The following RALYL variants were observed in gnomAD, a reference collection of about 807,000 sequenced individuals.
RALYL encodes RNA-binding Raly-like protein.
A neutral mutation model predicts 35.1 loss-of-function variants in RALYL; 29 were observed. The ratio of observed to expected loss-of-function variants is 0.83; its 90% CI spans 0.61 to 1.13. The LOEUF is 1.13. Among genes scored for constraint, RALYL ranks in the 50% most tolerant of loss-of-function variants. RALYL has a pLI of 0.00. For missense variants in RALYL, 359 were observed against 360.4 expected (o/e 1.00, Z 0.03); for synonymous variants, 120 against 127.6 (o/e 0.94, Z 0.40).
intron 2 of RALYL, among the ~76,000 whole-genome samples, chr8:84,620,004 T>A (rs2131045371): frequency 6.6e-6 from 1 of 152,180 alleles, no homozygotes; most frequent in Non-Finnish European, 1.5e-5. Flanking sequence ...TAACCCGACC[T>A]TTCTCTCTGG....
At chr8:84,185,362 T>A (rs1812256298) in intron 1 of RALYL, 1 of 277,914 alleles carries the variant, frequency 3.6e-6, no homozygotes, top group Non-Finnish European at 6.9e-6. Flanking sequence ...GAGGGGTTGG[T>A]GATAGAGGTG....
At chr8:84,391,399 C>T (rs771535219) in intron 1 of RALYL, among the ~76,000 whole-genome samples, 5 of 151,986 alleles carry the variant, frequency 3.3e-5, no homozygotes, top group Non-Finnish European at 5.9e-5. Flanking sequence ...CACTCATTTA[C>T]ATCTAAAGAA....
At chr8:84,184,858 G>A in intron 1 of RALYL, 2 of 994,120 alleles carry the variant, frequency 2.0e-6, no homozygotes, top group South Asian at 2.7e-5. Flanking sequence ...GAGCACCCGG[G>A]AGATGGGGGT....
At position 84,440,766 on chromosome 8, in the gene RALYL, G is replaced by T. The variant is rs187484111; in HGVS notation, c.-23-88533G>T. ...TTTTTTTATTCATTCCTGTTTGAGG[G>T]ATATTTGAGTTGTTTCCAGGTTTGG... On this transcript the variant is annotated intron_variant, in intron 1 of 8. Coordinates refer to ENST00000521268, the MANE Select transcript of RALYL (RefSeq NM_173848.7). Among the ~76,000 whole-genome samples, 243 of 152,030 alleles carry T rather than the reference G, an allele frequency of 1.6e-3. 1 individual carries two copies. The highest frequency in any genetic ancestry group is 3.4e-3 in the Middle Eastern group (1 of 294).
intron 1 of RALYL, among the ~76,000 whole-genome samples, chr8:84,328,732 C>A (rs1022280217): frequency 6.6e-6 from 1 of 152,156 alleles, no homozygotes; most frequent in African/African-American, 2.4e-5. Context: ...TAGTACCCAA[C>A]AGTTAGTCAA....
At chr8:84,196,413 A>G (rs1815289526) in intron 1 of RALYL, among the ~76,000 whole-genome samples, 1 of 152,258 alleles carries the variant, frequency 6.6e-6, no homozygotes, top group Non-Finnish European at 1.5e-5. Context: ...TAAATTTTCT[A>G]AAAGACATAT....
chr8:84,207,854 G>T (rs1268223141), intron 1 of RALYL, among the ~76,000 whole-genome samples: 2 of 150,476 alleles, frequency 1.3e-5, no homozygotes, highest in African/African-American at 2.4e-5. Context: ...ACATTGCATT[G>T]TACACTATAC....
intron 2 of RALYL, among the ~76,000 whole-genome samples, chr8:84,686,876 T>C (rs1276427485): frequency 6.6e-6 from 1 of 152,220 alleles, no homozygotes; most frequent in Non-Finnish European, 1.5e-5. Flanking sequence ...ATATGTGCCT[T>C]TCTTTTTGTG....
At chr8:84,682,663 A>T (rs937989522) in intron 2 of RALYL, among the ~76,000 whole-genome samples, 1 of 151,962 alleles carries the variant, frequency 6.6e-6, no homozygotes, top group Non-Finnish European at 1.5e-5. Flanking sequence ...GGTATTTTGT[A>T]TTTCTGTGGG....
chr8:84,204,482 A>G (rs942825305), intron 1 of RALYL, among the ~76,000 whole-genome samples: 1 of 152,164 alleles, frequency 6.6e-6, no homozygotes, highest in Admixed American at 6.5e-5. Flanking sequence ...TGTGCATGTC[A>G]TTACTGCCTG....
chr8:84,719,483 G>A (rs1843504874), intron 2 of RALYL, among the ~76,000 whole-genome samples: 1 of 152,056 alleles, frequency 6.6e-6, no homozygotes, highest in Admixed American at 6.6e-5. Context: ...TTGATGAGAA[G>A]TATGAAAAGG....
intron 4 of RALYL, among the ~76,000 whole-genome samples, chr8:84,847,308 C>A (rs1834868146): frequency 6.6e-6 from 1 of 152,200 alleles, no homozygotes; most frequent in African/African-American, 2.4e-5. Context: ...CTTCACTCAG[C>A]CTTCCTTAAT....
At chr8:84,374,404 T>C (rs897030609) in intron 1 of RALYL, among the ~76,000 whole-genome samples, 27 of 152,060 alleles carry the variant, frequency 1.8e-4, no homozygotes, top group African/African-American at 6.3e-4. Flanking sequence ...TTACTGATCA[T>C]TCTACCTTAA....
intron 2 of RALYL, among the ~76,000 whole-genome samples, chr8:84,713,394 T>C (rs1842496812): frequency 6.6e-6 from 1 of 151,806 alleles, no homozygotes; most frequent in South Asian, 2.1e-4. Context: ...GATTGAAAAA[T>C]GGACAAAGAA....
chr8:84,672,289 T>A (rs559739112), intron 2 of RALYL, among the ~76,000 whole-genome samples: 1 of 152,316 alleles, frequency 6.6e-6, no homozygotes, highest in South Asian at 2.1e-4. Flanking sequence ...CATATCATTA[T>A]CAGCATTTTG....
intron 1 of RALYL, among the ~76,000 whole-genome samples, chr8:84,411,895 G>T (rs549692158): frequency 9.9e-5 from 15 of 151,914 alleles, no homozygotes; most frequent in Non-Finnish European, 2.1e-4. Flanking sequence ...CTTACAAGCT[G>T]TATGACAATT....
At chr8:84,618,281 G>C (rs1820349877) in intron 2 of RALYL, among the ~76,000 whole-genome samples, 1 of 151,696 alleles carries the variant, frequency 6.6e-6, no homozygotes, top group Non-Finnish European at 1.5e-5. Flanking sequence ...GTCTGTTATT[G>C]GTCTATTCAG....
intron 2 of RALYL, among the ~76,000 whole-genome samples, chr8:84,531,677 A>T (rs981545825): frequency 6.6e-6 from 1 of 152,112 alleles, no homozygotes; most frequent in Admixed American, 6.5e-5. Flanking sequence ...ACTAACAAAT[A>T]CTTGAGGAAA....
chr8:84,357,779 T>A (rs1852162305), intron 1 of RALYL, among the ~76,000 whole-genome samples: 1 of 147,550 alleles, frequency 6.8e-6, no homozygotes, highest in African/African-American at 2.5e-5. Context: ...ATATATATAT[T>A]TATATATTTA....
Sources: allele counts gnomAD v4.1 joint callset (sites outside exome capture counted in the v4.1 genomes callset), GRCh38; gene constraint gnomAD v4.1.1; transcripts MANE v1.5; gene names NCBI Gene and HGNC (gene_info 2026-07-23, HGNC 2026-07-21).